Variants in ADAM10 observed in about 807,000 individuals in gnomAD.
The protein encoded by ADAM10 is ADAM metallopeptidase domain 10.
Under a neutral mutation model 90.1 loss-of-function variants are expected in ADAM10, and 17 were observed. The ratio of observed to expected loss-of-function variants is 0.19; its 90% CI spans 0.13 to 0.28. ADAM10 has a LOEUF of 0.28. Among genes scored for constraint, ADAM10 ranks in the 10% least tolerant of loss-of-function variants. ADAM10 has a pLI of 1.00. For missense variants in ADAM10, 610 were observed against 914.3 expected (o/e 0.67, Z 4.29); for synonymous variants, 310 against 298.6 (o/e 1.04, Z -0.40).
Position 58,592,774 on chromosome 15 carries a change from A to G in ADAM10, c.*4773T>C, listed in dbSNP as rs1242639187. 6.7e-6 allele frequency: 1 copy of G among 148,602 alleles called. No individual in the cohort carries two copies. Among genetic ancestry groups the G allele is most frequent in the South Asian group, 2.1e-4 (1 of 4,744 alleles). The allele number at this position is 148,602 out of a possible 1,614,324, so 9.2% of individuals were successfully genotyped here. A position where few individuals can be genotyped will look rare whatever the true frequency, so the allele number is the denominator to read the frequency against. Reference sequence around the variant, plus strand: ...TTTAATATATATATATATATATATTAAATCGTGGTAGTATAACTTGGTACA... The same window carrying G: ...TTTAATATATATATATATATATATTGAATCGTGGTAGTATAACTTGGTACA... On this transcript the variant is annotated 3_prime_UTR_variant, in exon 16 of 16. Transcript: ENST00000260408.
chr15:58,607,720 G>A (rs1442591075), intron 14 of ADAM10, among the ~76,000 whole-genome samples: 1 of 151,990 alleles, frequency 6.6e-6, no homozygotes, highest in Non-Finnish European at 1.5e-5. Flanking sequence ...ATCTGAACAA[G>A]TTAAAAAGAA....
chr15:58,632,449 A>T (rs898518084), intron 9 of ADAM10, among the ~76,000 whole-genome samples: 5 of 152,244 alleles, frequency 3.3e-5, no homozygotes, highest in Admixed American at 2.0e-4. Flanking sequence ...CAAAGTAGCC[A>T]GCAGCCTGTT....
chr15:58,670,880 G>C (rs537734803), intron 4 of ADAM10, among the ~76,000 whole-genome samples: 1 of 152,216 alleles, frequency 6.6e-6, no homozygotes, highest in South Asian at 2.1e-4. Flanking sequence ...AAGTAGTTTA[G>C]AACCATTAAC....
At chr15:58,725,747 G>T (rs1423348644) in intron 1 of ADAM10, among the ~76,000 whole-genome samples, 1 of 151,970 alleles carries the variant, frequency 6.6e-6, no homozygotes, top group Non-Finnish European at 1.5e-5. Context: ...TAAGTCAGAA[G>T]AAAATGCAGC....
intron 2 of ADAM10, among the ~76,000 whole-genome samples, chr15:58,711,411 C>CA (rs1261111749): frequency 3.9e-5 from 6 of 152,244 alleles, no homozygotes; most frequent in Non-Finnish European, 7.4e-5. Flanking sequence ...GTCTAAACTT[C>CA]AAGGTTTTAC....
chr15:58,730,529 G>C (rs1306479511), intron 1 of ADAM10, among the ~76,000 whole-genome samples: 1 of 151,948 alleles, frequency 6.6e-6, no homozygotes, highest in Non-Finnish European at 1.5e-5. Context: ...TCAAATCTTT[G>C]GTAAGTCACT....
chr15:58,691,355 A>C, intron 2 of ADAM10: 1 of 973,496 alleles, frequency 1.0e-6, no homozygotes, highest in Non-Finnish European at 1.6e-6. Context: ...CAATGGGCTC[A>C]CTCATATATA....
chr15:58,618,243 C>T (rs1028797678), intron 11 of ADAM10, among the ~76,000 whole-genome samples: 11 of 91,716 alleles, frequency 1.2e-4, no homozygotes, highest in Admixed American at 4.1e-4. Flanking sequence ...AATTGATTTT[C>T]GAGGTGATTT....
rs1894835399 is a variant in ADAM10 at position 58,592,055 on chromosome 15, C to T, written c.*5492G>A. ...GAGTCTGGATTTTGCTGATTGAGTCCCTTGTATATTATTTGTCCCTCTGTC... is the reference window on the plus strand; with the variant it reads ...GAGTCTGGATTTTGCTGATTGAGTCTCTTGTATATTATTTGTCCCTCTGTC... On this transcript the variant is annotated 3_prime_UTR_variant, in exon 16 of 16. Transcript: ENST00000260408. 1 of 152,032 alleles carries T rather than the reference C, an allele frequency of 6.6e-6. No homozygotes were observed. Among genetic ancestry groups the T allele is most frequent in the Admixed American group, 6.6e-5 (1 of 15,254 alleles). The allele number at this position is 152,032 out of a possible 1,614,324, so 9.4% of individuals were successfully genotyped here.
intron 8 of ADAM10, among the ~76,000 whole-genome samples, chr15:58,634,234 G>A (rs1184088453): frequency 6.6e-6 from 1 of 151,646 alleles, no homozygotes; most frequent in African/African-American, 2.4e-5. Flanking sequence ...CCCAGGAGGT[G>A]GAAGTTGCAA....
intron 6 of ADAM10, among the ~76,000 whole-genome samples, chr15:58,644,509 A>G (rs1245985830): frequency 6.6e-6 from 1 of 152,124 alleles, no homozygotes; most frequent in Non-Finnish European, 1.5e-5. Flanking sequence ...CATTACAGGC[A>G]TGAGCCACCA....
In ADAM10 at chr15:58,596,449, TAAGCAAATTACTC is replaced by T. The variant is rs1166089294; in HGVS notation, c.*1085_*1097del. 2.0e-5 allele frequency: 3 copies of T among 152,630 alleles called. No individual in the cohort carries two copies. Among genetic ancestry groups the T allele is most frequent in the Admixed American group, 1.3e-4 (2 of 15,268 alleles). 9.5% of individuals were successfully genotyped at this position (152,630 alleles called of 1,614,324 possible). On this transcript the variant is annotated 3_prime_UTR_variant, in exon 16 of 16. Transcript: ENST00000260408. The stretch of plus-strand genomic sequence containing the variant: ...CCTATCTACAATTTTAACTACTACT[TAAGCAAATTACTC>T]ATCTTTAGTGGTTACCAATGATCAG...
chr15:58,749,452 G>GC, intron 1 of ADAM10, 28 bp downstream of exon 1: 2 of 1,522,362 alleles, frequency 1.3e-6, no homozygotes, highest in Non-Finnish European at 1.8e-6. Flanking sequence ...TGGTCGCGGC[G>GC]CCCCCGGCGC....
rs1284009010 is a variant in ADAM10, at chr15:58,721,767, C to T, written c.56-4040G>A. ...AGGTGGCCGGGTGTGGTAGTTCACA[C>T]CTGTAGTCCCAGCACTTTGGGAGGC... On this transcript the variant is annotated intron_variant, in intron 1 of 15. Transcript: ENST00000260408. Among the ~76,000 whole-genome samples the T allele has an allele frequency of 3.9e-5, 6 of 152,264 alleles. No individual in the cohort carries two copies. In the East Asian group the frequency reaches 9.7e-4, roughly 24 times the overall value.
intron 5 of ADAM10, among the ~76,000 whole-genome samples, chr15:58,647,246 G>GTTTTTTTTTTTTTTT (rs1323960397): frequency 2.4e-4 from 9 of 36,842 alleles, no homozygotes; most frequent in Admixed American, 5.7e-4. Flanking sequence ...TAGACACTAA[G>GTTTTTTTTTTTTTTT]TATTTTTTTT....
Position 58,591,559 on chromosome 15 carries a change from G to C in ADAM10, c.*5988C>G, listed in dbSNP as rs936179773. On this transcript the variant is annotated 3_prime_UTR_variant, in exon 16 of 16. Transcript: ENST00000260408. ...ATTACAGGTATGAGCCATCACAACT[G>C]GCCACATTTTAAAACTTCTATGAAA... The C allele has an allele frequency of 6.6e-6, 1 of 151,806 alleles. No individual in the cohort carries two copies. Among genetic ancestry groups the C allele is most frequent in the Non-Finnish European group, 1.5e-5 (1 of 67,980 alleles). 9.4% of individuals were successfully genotyped at this position (151,806 alleles called of 1,614,324 possible).
intron 7 of ADAM10, among the ~76,000 whole-genome samples, chr15:58,643,545 A>G (rs1201318384): frequency 6.6e-6 from 1 of 152,202 alleles, no homozygotes; most frequent in Non-Finnish European, 1.5e-5. Context: ...ATTTTAGGAA[A>G]CTGAGGGATA....
chr15:58,689,277 G>C (rs1002007016), intron 2 of ADAM10, among the ~76,000 whole-genome samples: 1 of 152,138 alleles, frequency 6.6e-6, no homozygotes, highest in African/African-American at 2.4e-5. Context: ...CCTTAGCTTA[G>C]GAGTTCGAGA....
intron 5 of ADAM10, among the ~76,000 whole-genome samples, chr15:58,653,995 T>C (rs1896750031): frequency 6.6e-6 from 1 of 152,212 alleles, no homozygotes; most frequent in Non-Finnish European, 1.5e-5. Flanking sequence ...TTTATTGGCA[T>C]ATAGTTGCTC....
Sources: allele counts gnomAD v4.1 joint callset (sites outside exome capture counted in the v4.1 genomes callset), GRCh38; gene constraint gnomAD v4.1.1; transcripts MANE v1.5; gene names NCBI Gene and HGNC (gene_info 2026-07-23, HGNC 2026-07-21).